Variants in INHBE observed in about 807,000 individuals in gnomAD.
INHBE encodes the protein inhibin beta E chain.
In INHBE, 19 loss-of-function variants were observed where a neutral mutation model predicts 27.8. That is an observed-to-expected ratio of 0.68 (90% CI 0.48 to 1.00). INHBE has a LOEUF of 1.00. Ranked by LOEUF, INHBE falls within the 50% of genes least tolerant of loss-of-function variation. The pLI, the probability that INHBE is intolerant of heterozygous loss-of-function variation, is 0.00. For missense variants in INHBE, 398 were observed against 433.9 expected (o/e 0.92, Z 0.73); for synonymous variants, 196 against 187.2 (o/e 1.05, Z -0.38).
In INHBE at chr12:57,455,598, G is replaced by A. The variant is rs755130411; in HGVS notation, c.62G>A (p.Gly21Glu). The A allele has an allele frequency of 6.2e-7, 1 of 1,613,860 alleles. No homozygotes were observed. Among genetic ancestry groups the A allele is most frequent in the Non-Finnish European group, 8.5e-7 (1 of 1,180,006 alleles). Residue 21 changes from glycine (G) to glutamate (E), a missense_variant, in exon 1 of 2, where the codon GGG becomes GAG. Transcript: ENST00000266646. The stretch of plus-strand genomic sequence containing the variant: ...CTGTGGGCACTGGTGCGAGCACAGG[G>A]GACAGGGTCTGTGTGTCCCTCCTGT... ...VLLWALVRAQ[G>E]TGSVCPSCGG...
chr12:57,456,777 C>T lies in INHBE; in HGVS notation c.982C>T (p.Leu328=), dbSNP rs1324031864. ...CCGAAGGCCCCTCTCTCTCCTCTAC[C>T]TGGATCATAATGGCAATGTGGTCAA... is the stretch of plus-strand genomic sequence containing the variant. The part of the protein sequence containing the change: ...TARRPLSLLY[L]DHNGNVVKTD... Residue 328 remains leucine (L), a synonymous_variant, in exon 2 of 2, where the codon CTG becomes TTG. Coordinates refer to ENST00000266646, the MANE Select transcript of INHBE (RefSeq NM_031479.5). The T allele has an allele frequency of 1.2e-6, 2 of 1,614,224 alleles. No homozygotes were observed. The highest frequency in any genetic ancestry group is 1.1e-5 in the South Asian group (1 of 91,088).
rs758681685 is a variant in INHBE, at chr12:57,456,731, C to T, written c.936C>T (p.Thr312=). ...LKANNPWPAS[T]SCCVPTARRP... ...CCAACAATCCTTGGCCTGCCAGTACCTCCTGTTGTGTCCCTACTGCCCGAA... is the reference window on the plus strand; with the variant it reads ...CCAACAATCCTTGGCCTGCCAGTACTTCCTGTTGTGTCCCTACTGCCCGAA... The change falls in exon 2 of 2, where the codon ACC becomes ACT. Residue 312 remains threonine, a synonymous_variant. Coordinates refer to ENST00000266646, the MANE Select transcript of INHBE (RefSeq NM_031479.5). 1 of 1,614,244 alleles carries T rather than the reference C, an allele frequency of 6.2e-7. No individual in the cohort carries two copies. Among genetic ancestry groups the T allele is most frequent in the East Asian group, 2.2e-5 (1 of 44,886 alleles).
Position 57,456,796 on chromosome 12 carries a change from T to C in INHBE, c.1001T>C (p.Val334Ala), listed in dbSNP as rs1870847852. Residue 334 changes from valine (V) to alanine (A), a missense_variant, in exon 2 of 2, where the codon GTG becomes GCG. Physicochemically the swap from Val to Ala is moderately conservative, Grantham distance 64. Coordinates refer to ENST00000266646, the MANE Select transcript of INHBE (RefSeq NM_031479.5). ...SLLYLDHNGN[V>A]VKTDVPDMVV... The stretch of plus-strand genomic sequence containing the variant: ...CTCTACCTGGATCATAATGGCAATG[T>C]GGTCAAGACGGATGTGCCAGATATG... 2.5e-6 allele frequency: 4 copies of C among 1,614,162 alleles called. No individual in the cohort carries two copies. In the East Asian group the frequency reaches 8.9e-5, roughly 36 times the overall value.
chr12:57,456,242 G>C lies in INHBE; in HGVS notation c.447G>C (p.Arg149Ser). The C allele has an allele frequency of 6.2e-7, 1 of 1,614,126 alleles. No homozygotes were observed. The highest frequency in any genetic ancestry group is 1.1e-5 in the South Asian group (1 of 91,082). The change falls in exon 2 of 2, where the codon AGG (arginine) becomes AGC (serine). Residue 149 changes from arginine (R) to serine (S), a missense_variant. Physicochemically the swap from Arg to Ser is moderately radical, Grantham distance 110. Coordinates refer to ENST00000266646, the MANE Select transcript of INHBE (RefSeq NM_031479.5). The stretch of plus-strand genomic sequence containing the variant: ...GGATCTTCCGATGGGGACCAAGGAG[G>C]AGGCGCCAAGGGTCCCGCACTCTCC... ...CLRIFRWGPR[R>S]RRQGSRTLLA...
In INHBE at chr12:57,455,491, G is replaced by A; in HGVS notation, c.-46G>A. The A allele has an allele frequency of 6.4e-7, 1 of 1,553,686 alleles. No individual in the cohort carries two copies. The highest frequency in any genetic ancestry group is 8.7e-7 in the Non-Finnish European group (1 of 1,147,352). On this transcript the variant is annotated 5_prime_UTR_variant, in exon 1 of 2. Transcript: ENST00000266646. ...CCAGCAATCAGACTCAACAGACGGA[G>A]CAACTGCCATCCGAGGCTCCTGAAC...
In INHBE at chr12:57,455,851, G is replaced by A. The variant is rs1358345823; in HGVS notation, c.298+17G>A. ...CTGTCACAGGTGGGTGAGGGAGAGAGCAACAGGCAAAGAGCAGACAGGGAA... is the reference window on the plus strand; with the variant it reads ...CTGTCACAGGTGGGTGAGGGAGAGAACAACAGGCAAAGAGCAGACAGGGAA... On this transcript the variant is annotated intron_variant, in intron 1 of 1. Transcript: ENST00000266646. 19 of 1,609,084 alleles carry A rather than the reference G, an allele frequency of 1.2e-5. No homozygotes were observed. The highest frequency in any genetic ancestry group is 4.5e-5 in the East Asian group (2 of 44,812).
At chr12:57,455,882 G>T in intron 1 of INHBE, 48 bp downstream of exon 1, 3 of 1,563,536 alleles carry the variant, frequency 1.9e-6, no homozygotes, top group Non-Finnish European at 2.6e-6. Context: ...GGGAAAGGGA[G>T]GCAGAAGGGG....
chr12:57,455,942 G>A, intron 1 of INHBE, 108 bp downstream of exon 1: 2 of 1,378,254 alleles, frequency 1.5e-6, no homozygotes, highest in Non-Finnish European at 2.0e-6. Flanking sequence ...AGAAGGAGGA[G>A]CTGGGGCAGG....
rs1183930985 is a variant in INHBE at position 57,456,830 on chromosome 12, G to A, written c.1035G>A (p.Glu345=). ...VKTDVPDMVV[E]ACGCS is the part of the protein sequence containing the mutation. ...CGGATGTGCCAGATATGGTGGTGGA[G>A]GCCTGTGGCTGCAGCTAGCAAGAGG... Residue 345 remains glutamate, a synonymous_variant, in exon 2 of 2, where the codon GAG becomes GAA. Coordinates refer to ENST00000266646, the MANE Select transcript of INHBE (RefSeq NM_031479.5). The A allele has an allele frequency of 1.2e-6, 2 of 1,611,868 alleles. No individual in the cohort carries two copies. Among genetic ancestry groups the A allele is most frequent in the Non-Finnish European group, 1.7e-6 (2 of 1,178,628 alleles).
Position 57,456,537 on chromosome 12 carries a change from T to A in INHBE, c.742T>A (p.Cys248Ser). 1 of 1,614,124 alleles carries A rather than the reference T, an allele frequency of 6.2e-7. No individual in the cohort carries two copies. Among genetic ancestry groups the A allele is most frequent in the South Asian group, 1.1e-5 (1 of 91,082 alleles). ...PTCEPATPLC[C>S]RRDHYVDFQE... ...CTGTGAGCCTGCGACCCCCTTATGT[T>A]GCAGGCGAGACCATTACGTAGACTT... The change falls in exon 2 of 2, where the codon TGC (cysteine) becomes AGC (serine). Residue 248 changes from cysteine (C) to serine (S), a missense_variant. By Grantham distance (112) the Cys-to-Ser change is moderately radical. Coordinates refer to ENST00000266646, the MANE Select transcript of INHBE (RefSeq NM_031479.5).
At position 57,455,375 on chromosome 12, in the gene INHBE, G is replaced by T. The variant is rs1870799275; in HGVS notation, c.-162G>T. The T allele has an allele frequency of 6.2e-6, 4 of 646,460 alleles. No homozygotes were observed. 40.0% of individuals were successfully genotyped at this position (646,460 alleles called of 1,614,324 possible). ...CAGATGATCTACTTTCAGCCTTCCT[G>T]AGTCCCAGACAATAGAAGACAGGTG... is the stretch of plus-strand genomic sequence containing the variant. On this transcript the variant is annotated 5_prime_UTR_variant, in exon 1 of 2. It removes the in-frame stop codon of an upstream open reading frame in the 5' UTR. Coordinates refer to ENST00000266646, the MANE Select transcript of INHBE (RefSeq NM_031479.5).
Position 57,456,436 on chromosome 12 carries a change from A to G in INHBE, c.641A>G (p.His214Arg), listed in dbSNP as rs772700168. 23 of 1,613,980 alleles carry G rather than the reference A, an allele frequency of 1.4e-5. No homozygotes were observed. The East Asian group carries it at 5.1e-4, about 36-fold the overall frequency. ...AGGCGGCTCTTGGACACAGCAGGAC[A>G]CCAGCAGCCCTTCCTAGAGCTTAAG... ...QPRRLLDTAGHQQPFLELKIR... is the reference protein window; with the variant it reads ...QPRRLLDTAGRQQPFLELKIR... The change falls in exon 2 of 2, where the codon CAC (histidine) becomes CGC (arginine). Residue 214 changes from histidine to arginine, a missense_variant. By Grantham distance (29) the His-to-Arg change is conservative. Transcript: ENST00000266646.
chr12:57,456,113 C>T lies in INHBE; in HGVS notation c.318C>T (p.Ser106=). 6.2e-7 allele frequency: 1 copy of T among 1,611,738 alleles called. No individual in the cohort carries two copies. Among genetic ancestry groups the T allele is most frequent in the Non-Finnish European group, 8.5e-7 (1 of 1,178,394 alleles). Residue 106 remains serine, a synonymous_variant, in exon 2 of 2, where the codon AGC becomes AGT. Coordinates refer to ENST00000266646, the MANE Select transcript of INHBE (RefSeq NM_031479.5). ...GGGCAGACTCCACTTCAGCCTACAGCTCCCTGCTCACTTTTCACCTGTCCA... is the reference window on the plus strand; with the variant it reads ...GGGCAGACTCCACTTCAGCCTACAGTTCCCTGCTCACTTTTCACCTGTCCA... ...ATVTDSTSAY[S]SLLTFHLSTP...
At position 57,456,343 on chromosome 12, in the gene INHBE, C is replaced by T; in HGVS notation, c.548C>T (p.Ser183Phe). ...TCTAGTGGCTTGAGGGGTGAGAAGT[C>T]TGGTGTCCTGAAACTGCAACTAGAC... ...LPSSGLRGEK[S>F]GVLKLQLDCR... Residue 183 changes from serine to phenylalanine, a missense_variant, in exon 2 of 2, where the codon TCT becomes TTT. Coordinates refer to ENST00000266646, the MANE Select transcript of INHBE (RefSeq NM_031479.5). The T allele has an allele frequency of 6.2e-7, 1 of 1,614,168 alleles. No homozygotes were observed.
In INHBE at chr12:57,455,339, C is replaced by T. The variant is rs866560678; in HGVS notation, c.-198C>T. ...AGACATGAGCTGTGAGGGTCAAGCA[C>T]AGCTATCCATCAGATGATCTACTTT... is the stretch of plus-strand genomic sequence containing the variant. On this transcript the variant is annotated 5_prime_UTR_variant, in exon 1 of 2. It introduces an in-frame stop codon into an upstream open reading frame of the 5' UTR. Transcript: ENST00000266646. 15 of 597,146 alleles carry T rather than the reference C, an allele frequency of 2.5e-5. No individual in the cohort carries two copies. The highest frequency in any genetic ancestry group is 4.5e-4 in the Middle Eastern group (1 of 2,206). The allele number at this position is 597,146 out of a possible 1,614,324, so 37.0% of individuals were successfully genotyped here.
At chr12:57,455,988 T>C in intron 1 of INHBE, 106 bp from the exon 2 acceptor site, 1 of 1,435,300 alleles carries the variant, frequency 7.0e-7, no homozygotes, top group Non-Finnish European at 9.5e-7. Flanking sequence ...GTCTCTACTT[T>C]TCTAGAGGTA....
Position 57,456,508 on chromosome 12 carries a change from C to G in INHBE, c.713C>G (p.Pro238Arg). Residue 238 changes from proline to arginine, a missense_variant, in exon 2 of 2, where the codon CCC (proline) becomes CGC (arginine). By Grantham distance (103) the Pro-to-Arg change is moderately radical. Transcript: ENST00000266646. Reference protein sequence around the residue: ...PGAGRARRRTPTCEPATPLCC... With the variant: ...PGAGRARRRTRTCEPATPLCC... Reference sequence around the variant, plus strand: ...GCAGGCCGGGCCAGGAGGAGGACCCCCACCTGTGAGCCTGCGACCCCCTTA... The same window carrying G: ...GCAGGCCGGGCCAGGAGGAGGACCCGCACCTGTGAGCCTGCGACCCCCTTA... 6.2e-7 allele frequency: 1 copy of G among 1,614,152 alleles called. No individual in the cohort carries two copies. The highest frequency in any genetic ancestry group is 8.5e-7 in the Non-Finnish European group (1 of 1,180,024).
chr12:57,455,594 C>G lies in INHBE; in HGVS notation c.58C>G (p.Gln20Glu). The change falls in exon 1 of 2, where the codon CAG (glutamine) becomes GAG (glutamate). Residue 20 changes from glutamine (Q) to glutamate (E), a missense_variant. Physicochemically the swap from Gln to Glu is conservative, Grantham distance 29. Coordinates refer to ENST00000266646, the MANE Select transcript of INHBE (RefSeq NM_031479.5). ...LVLLWALVRA[Q>E]GTGSVCPSCG... The stretch of plus-strand genomic sequence containing the variant: ...GCTGCTGTGGGCACTGGTGCGAGCA[C>G]AGGGGACAGGGTCTGTGTGTCCCTC... 6.2e-7 allele frequency: 1 copy of G among 1,613,940 alleles called. No individual in the cohort carries two copies. Among genetic ancestry groups the G allele is most frequent in the Non-Finnish European group, 8.5e-7 (1 of 1,179,966 alleles).
chr12:57,456,120 C>T lies in INHBE; in HGVS notation c.325C>T (p.Leu109Phe), dbSNP rs755811693. ...TDSTSAYSSL[L>F]TFHLSTPRSH... The stretch of plus-strand genomic sequence containing the variant: ...CTCCACTTCAGCCTACAGCTCCCTG[C>T]TCACTTTTCACCTGTCCACTCCTCG... Residue 109 changes from leucine to phenylalanine, a missense_variant, in exon 2 of 2, where the codon CTC (leucine) becomes TTC (phenylalanine). Leu to Phe is a conservative substitution (Grantham distance 22, BLOSUM62 0). Coordinates refer to ENST00000266646, the MANE Select transcript of INHBE (RefSeq NM_031479.5). 5 of 1,612,652 alleles carry T rather than the reference C, an allele frequency of 3.1e-6. No homozygotes were observed. In the East Asian group the frequency reaches 1.1e-4, roughly 36 times the overall value.
Sources: allele counts gnomAD v4.1 joint callset, GRCh38; gene constraint gnomAD v4.1.1; transcripts MANE v1.5; gene names NCBI Gene and HGNC (gene_info 2026-07-23, HGNC 2026-07-21).